The following SHANK2 variants were observed in gnomAD, a reference collection of about 807,000 sequenced individuals.
SHANK2 encodes the protein SH3 and multiple ankyrin repeat domains 2, also known as SH3 and multiple ankyrin repeat domains protein 2.
Under a neutral mutation model 133.7 loss-of-function variants are expected in SHANK2, and 43 were observed. That is an observed-to-expected ratio of 0.32 (90% confidence interval 0.25 to 0.41). The LOEUF is 0.41. Ranked by LOEUF, SHANK2 falls within the 10% of genes least tolerant of loss-of-function variation. The pLI is 1.00. For synonymous variants in SHANK2, 1,017 were observed against 952.8 expected (o/e 1.07, Z -1.24); for missense variants, 1,994 against 2,235.8 (o/e 0.89, Z 2.18).
intron 2 of SHANK2, among the ~76,000 whole-genome samples, chr11:71,151,941 G>A (rs544448527): frequency 3.3e-5 from 5 of 152,354 alleles, no homozygotes; most frequent in African/African-American, 1.2e-4. Context: ...GGGGCACGAA[G>A]GGGGCGATGC....
At chr11:70,948,238 T>C (rs1266779048) in intron 10 of SHANK2, 1 of 456,468 alleles carries the variant, frequency 2.2e-6, no homozygotes, top group Non-Finnish European at 4.4e-6. Flanking sequence ...CTGCTGTATT[T>C]TTCTTCCTGT....
At chr11:70,736,538 A>G (rs573934425) in intron 14 of SHANK2, among the ~76,000 whole-genome samples, 87 of 152,308 alleles carry the variant, frequency 5.7e-4, no homozygotes, top group Non-Finnish European at 1.0e-3. Context: ...ATGGGGAAAT[A>G]GGGCCACAGC....
At position 70,948,639 on chromosome 11, in the gene SHANK2, G is replaced by C. The variant is rs1050798940; in HGVS notation, c.1108-52072C>G. Among the ~76,000 whole-genome samples, 5 of 152,216 alleles carry C rather than the reference G, an allele frequency of 3.3e-5. No homozygotes were observed. The South Asian group carries it at 1.0e-3, about 32-fold the overall frequency. ...GTGCCCTCAGCAGGGCCACGACGCTGCAACGTGGAGGAGGTGGACCAGGGG... is the reference window on the plus strand; with the variant it reads ...GTGCCCTCAGCAGGGCCACGACGCTCCAACGTGGAGGAGGTGGACCAGGGG... On this transcript the variant is annotated intron_variant, in intron 10 of 25. Coordinates refer to ENST00000601538, the MANE Select transcript of SHANK2 (RefSeq NM_012309.5).
rs996902381 is a variant in SHANK2, at chr11:71,170,286, T to C, written c.-12-22948A>G. ...TCAATGGAACACAGATTGTGCAAAA[T>C]GCTAGACTAGAACAACGTAGTGGTA... On this transcript the variant is annotated intron_variant, in intron 2 of 25. Transcript: ENST00000601538. Among the ~76,000 whole-genome samples the C allele has an allele frequency of 2.6e-5, 4 of 152,214 alleles. No individual in the cohort carries two copies. The East Asian group carries it at 5.8e-4, about 22-fold the overall frequency.
At chr11:70,530,299 T>G (rs2059450897) in intron 17 of SHANK2, among the ~76,000 whole-genome samples, 1 of 152,172 alleles carries the variant, frequency 6.6e-6, no homozygotes, top group Non-Finnish European at 1.5e-5. Context: ...GGTCTCAAAC[T>G]TCCGGGCTGA....
intron 10 of SHANK2, among the ~76,000 whole-genome samples, chr11:70,909,414 T>C (rs1165440982): frequency 2.6e-5 from 4 of 152,188 alleles, no homozygotes; most frequent in Non-Finnish European, 5.9e-5. Context: ...TTTCCTGTGC[T>C]GTAATGATGA....
chr11:70,476,923 C>T (rs781924922), intron 25 of SHANK2, among the ~76,000 whole-genome samples: 3 of 152,230 alleles, frequency 2.0e-5, no homozygotes, highest in African/African-American at 2.4e-5. Context: ...GTATTCACCA[C>T]GGGTATCTCT....
At chr11:71,112,844 ACT>A (rs1166037730) in intron 5 of SHANK2, among the ~76,000 whole-genome samples, 1 of 151,060 alleles carries the variant, frequency 6.6e-6, no homozygotes, top group African/African-American at 2.4e-5. Context: ...GGTTCTGAAC[ACT>A]CTGTGCAACG....
chr11:70,671,337 C>G (rs532575444), intron 15 of SHANK2, among the ~76,000 whole-genome samples: 8 of 152,206 alleles, frequency 5.3e-5, no homozygotes, highest in Admixed American at 3.3e-4. Context: ...CCGGTGGAAC[C>G]CCAGCTTCCC....
chr11:70,508,986 A>G (rs1443212532), intron 17 of SHANK2, among the ~76,000 whole-genome samples: 1 of 152,214 alleles, frequency 6.6e-6, no homozygotes, highest in African/African-American at 2.4e-5. Context: ...GAGATGCTAA[A>G]GGTTGCCAGG....
chr11:70,784,566 C>G (rs1338684770), intron 14 of SHANK2, among the ~76,000 whole-genome samples: 1 of 151,920 alleles, frequency 6.6e-6, no homozygotes, highest in Non-Finnish European at 1.5e-5. Flanking sequence ...CTCAGCCTCC[C>G]AAAGTGCTGG....
chr11:71,184,344 C>G (rs1953628652), intron 2 of SHANK2, among the ~76,000 whole-genome samples: 1 of 152,188 alleles, frequency 6.6e-6, no homozygotes, highest in African/African-American at 2.4e-5. Context: ...TGAGGCCAGG[C>G]TGCACACAGA....
intron 11 of SHANK2, among the ~76,000 whole-genome samples, chr11:70,822,555 C>CG (rs1948547071): frequency 8.6e-6 from 1 of 116,520 alleles, no homozygotes; most frequent in Non-Finnish European, 1.8e-5. Flanking sequence ...GAAGAGTTCA[C>CG]GGGGGACAGA....
intron 10 of SHANK2, chr11:70,911,111 A>G (rs1313622779): frequency 6.6e-6 from 3 of 456,694 alleles, no homozygotes; most frequent in African/African-American, 2.0e-5. Flanking sequence ...AGGTCTCCAC[A>G]TGCCTCTTTC....
intron 15 of SHANK2, among the ~76,000 whole-genome samples, chr11:70,685,829 T>G (rs1210724520): frequency 6.6e-6 from 1 of 152,086 alleles, no homozygotes; most frequent in African/African-American, 2.4e-5. Flanking sequence ...AAGTGAAAAT[T>G]TATTGAGTGC....
chr11:70,787,834 C>T (rs1555047028), intron 14 of SHANK2, among the ~76,000 whole-genome samples: 1 of 152,194 alleles, frequency 6.6e-6, no homozygotes, highest in African/African-American at 2.4e-5. Context: ...TCAGATGTAT[C>T]TATGTTTAGG....
At chr11:71,158,464 AG>A (rs1275065164) in intron 2 of SHANK2, among the ~76,000 whole-genome samples, 1 of 152,254 alleles carries the variant, frequency 6.6e-6, no homozygotes, top group Non-Finnish European at 1.5e-5. Context: ...AAATAAAGAA[AG>A]AATTGAAGGT....
intron 17 of SHANK2, among the ~76,000 whole-genome samples, chr11:70,612,252 A>G (rs10793179): frequency 0.5 from 76,334 of 151,876 alleles, 19,379 homozygotes; most frequent in African/African-American, 0.54. Flanking sequence ...CGTGCTGGGC[A>G]GGAGAGAATC....
intron 6 of SHANK2, among the ~76,000 whole-genome samples, chr11:71,105,931 T>C (rs1232619762): frequency 1.3e-5 from 2 of 152,186 alleles, no homozygotes; most frequent in Admixed American, 1.3e-4. Flanking sequence ...TAAACCCTCA[T>C]GTAAGCTCTG....
Sources: allele counts gnomAD v4.1 joint callset (sites outside exome capture counted in the v4.1 genomes callset), GRCh38; gene constraint gnomAD v4.1.1; transcripts MANE v1.5; gene names NCBI Gene and HGNC (gene_info 2026-07-23, HGNC 2026-07-21).